The following GALNT1 variants were observed in gnomAD, a reference collection of about 807,000 sequenced individuals.
GALNT1 encodes the protein polypeptide N-acetylgalactosaminyltransferase 1, also known as GalNAc transferase 1.
A neutral mutation model predicts 65.7 loss-of-function variants in GALNT1; 17 were observed. The observed-to-expected ratio is 0.26, with a 90% CI of 0.18 to 0.39. The LOEUF (loss-of-function observed/expected upper bound fraction) is 0.39, where lower values mean the gene tolerates loss of function less well. Ranked by LOEUF, GALNT1 falls within the 10% of genes least tolerant of loss-of-function variation. GALNT1 has a pLI of 1.00. For synonymous variants in GALNT1, 210 were observed against 219.7 expected, an observed-to-expected ratio of 0.96 and a Z score of 0.39; for missense variants, 460 against 672.8, an observed-to-expected ratio of 0.68 and a Z score of 3.50.
At chr18:35,614,250 A>G (rs950584673) in intron 1 of GALNT1, among the ~76,000 whole-genome samples, 5 of 152,218 alleles carry the variant, frequency 3.3e-5, no homozygotes, top group Middle Eastern at 3.2e-3. Flanking sequence ...AATACTGGAT[A>G]TTGAACAAAG....
chr18:35,603,549 A>G (rs749332577), intron 1 of GALNT1, among the ~76,000 whole-genome samples: 8 of 152,158 alleles, frequency 5.3e-5, no homozygotes, highest in Non-Finnish European at 8.8e-5. Flanking sequence ...TATTTGTGAC[A>G]CACACACGTT....
At position 35,616,552 on chromosome 18, in the gene GALNT1, G is replaced by A. The variant is rs948145411; in HGVS notation, c.-104+34690G>A. ...CTGACCTGCATTGCATATGGCTAAT[G>A]AGAAGTACTAAGGCTTGCATATCCT... On this transcript the variant is annotated intron_variant, in intron 1 of 11. Coordinates refer to ENST00000269195, the MANE Select transcript of GALNT1 (RefSeq NM_020474.4). Among the ~76,000 whole-genome samples the A allele has an allele frequency of 2.6e-5, 4 of 152,138 alleles. No individual in the cohort carries two copies. The East Asian group carries it at 7.7e-4, about 29-fold the overall frequency.
intron 3 of GALNT1, among the ~76,000 whole-genome samples, chr18:35,673,270 C>T (rs1380271280): frequency 6.6e-6 from 1 of 152,140 alleles, no homozygotes; most frequent in Non-Finnish European, 1.5e-5. Flanking sequence ...TGCATAGTCA[C>T]CTTGATGTGG....
intron 3 of GALNT1, 67 bp downstream of exon 3, chr18:35,663,869 C>T (rs2047509831): frequency 6.9e-7 from 1 of 1,448,812 alleles, no homozygotes; most frequent in Non-Finnish European, 9.6e-7. Flanking sequence ...CAGTAAATTG[C>T]ACTTGAGTGC....
chr18:35,694,302 A>G (rs56261553), intron 9 of GALNT1, among the ~76,000 whole-genome samples: 9,387 of 152,232 alleles, frequency 0.062, 319 homozygotes, highest in South Asian at 0.077. Flanking sequence ...AGGGGTTTTT[A>G]TTTCTTTATT....
chr18:35,683,686 A>C, intron 5 of GALNT1, 88 bp downstream of exon 5: 13 of 1,021,732 alleles, frequency 1.3e-5, no homozygotes. Flanking sequence ...TTTTAAATAA[A>C]TATAAAAGTA....
intron 11 of GALNT1, among the ~76,000 whole-genome samples, chr18:35,706,518 T>A (rs1434316503): frequency 1.3e-5 from 2 of 151,862 alleles, no homozygotes; most frequent in Admixed American, 6.6e-5. Context: ...TAAAATTAAA[T>A]TTTAAAAAAA....
intron 1 of GALNT1, among the ~76,000 whole-genome samples, chr18:35,585,649 C>T (rs1037457069): frequency 1.3e-5 from 2 of 152,192 alleles, no homozygotes; most frequent in East Asian, 1.9e-4. Flanking sequence ...CCACCCCCTC[C>T]TTAAACTCTG....
rs989994577 is a variant in GALNT1, at chr18:35,585,753, A to G, written c.-104+3891A>G. On this transcript the variant is annotated intron_variant, in intron 1 of 11. Transcript: ENST00000269195. Reference sequence around the variant, plus strand: ...CTTTTGGAATTGGCTTTATTCACTCAGCATAATTCTCTGGAGATTGATCCA... The same window carrying G: ...CTTTTGGAATTGGCTTTATTCACTCGGCATAATTCTCTGGAGATTGATCCA... Among the ~76,000 whole-genome samples, 9 of 152,236 alleles carry G rather than the reference A, an allele frequency of 5.9e-5. No individual in the cohort carries two copies. In the East Asian group the frequency reaches 9.6e-4, roughly 16 times the overall value.
At chr18:35,610,975 A>T (rs1462028106) in intron 1 of GALNT1, among the ~76,000 whole-genome samples, 2 of 152,120 alleles carry the variant, frequency 1.3e-5, no homozygotes, top group African/African-American at 4.8e-5. Context: ...AAACAGGCAA[A>T]TGGTGACTTG....
intron 1 of GALNT1, among the ~76,000 whole-genome samples, chr18:35,589,300 C>CT (rs1008918127): frequency 2.0e-5 from 3 of 152,150 alleles, no homozygotes; most frequent in Non-Finnish European, 4.4e-5. Flanking sequence ...CAACACCACC[C>CT]TGGTGTGTGG....
intron 1 of GALNT1, among the ~76,000 whole-genome samples, chr18:35,615,073 G>T (rs1435385521): frequency 6.6e-6 from 1 of 151,760 alleles, no homozygotes; most frequent in Admixed American, 6.6e-5. Flanking sequence ...CACCCAGCAG[G>T]GTATGGTTTT....
intron 4 of GALNT1, among the ~76,000 whole-genome samples, chr18:35,680,471 AC>A (rs1449847976): frequency 1.3e-5 from 2 of 152,162 alleles, no homozygotes; most frequent in Admixed American, 1.3e-4. Context: ...CTATTTGCTC[AC>A]CATTATCTCT....
intron 9 of GALNT1, among the ~76,000 whole-genome samples, chr18:35,698,015 AC>A (rs2048088537): frequency 6.6e-6 from 1 of 152,206 alleles, no homozygotes; most frequent in Non-Finnish European, 1.5e-5. Flanking sequence ...TTTCCACGTG[AC>A]TTTCATAGGG....
At chr18:35,693,354 G>A (rs150472931) in intron 9 of GALNT1, among the ~76,000 whole-genome samples, 23 of 152,294 alleles carry the variant, frequency 1.5e-4, no homozygotes, top group African/African-American at 5.1e-4. Flanking sequence ...AGTGAACAAG[G>A]TGGAGAGTAG....
intron 3 of GALNT1, among the ~76,000 whole-genome samples, chr18:35,667,330 G>A (rs1053961733): frequency 1.1e-4 from 17 of 152,140 alleles, no homozygotes; most frequent in African/African-American, 3.1e-4. Context: ...GTCGACACCC[G>A]TGTGGTTTAT....
intron 10 of GALNT1, 41 bp from the exon 11 acceptor site, chr18:35,703,468 A>C: frequency 6.3e-7 from 1 of 1,587,252 alleles, no homozygotes; most frequent in Non-Finnish European, 8.6e-7. Context: ...ATGCTGACTA[A>C]TTTATTTTTT....
intron 3 of GALNT1, among the ~76,000 whole-genome samples, chr18:35,672,687 A>C (rs997208022): frequency 5.9e-5 from 9 of 151,944 alleles, no homozygotes; most frequent in African/African-American, 2.2e-4. Context: ...GTTAAATAGA[A>C]GTAACAGTCC....
chr18:35,695,844 T>C (rs528098175), intron 9 of GALNT1, among the ~76,000 whole-genome samples: 1 of 152,274 alleles, frequency 6.6e-6, no homozygotes, highest in East Asian at 1.9e-4. Flanking sequence ...AGGGAAAGAT[T>C]TCTAGCAGTC....
Sources: allele counts gnomAD v4.1 joint callset (sites outside exome capture counted in the v4.1 genomes callset), GRCh38; gene constraint gnomAD v4.1.1; transcripts MANE v1.5; gene names NCBI Gene and HGNC (gene_info 2026-07-23, HGNC 2026-07-21).